The following CFAP52 variants were observed in gnomAD, a reference collection of about 807,000 sequenced individuals.
The protein encoded by CFAP52 is cilia and flagella associated protein 52.
CFAP52 carries 57 observed loss-of-function variants against 70.5 expected under a neutral mutation model. The observed-to-expected ratio is 0.81, with a 90% CI of 0.65 to 1.01. The LOEUF is 1.01. Among genes scored for constraint, CFAP52 ranks in the 50% least tolerant of loss-of-function variants. The pLI is 0.00. For synonymous variants in CFAP52, 267 were observed against 292.5 expected (o/e 0.91, Z 0.89); for missense variants, 785 against 788.5 (o/e 1.00, Z 0.05).
chr17:9,605,925 A>T (rs908320469), intron 6 of CFAP52, among the ~76,000 whole-genome samples: 3 of 152,152 alleles, frequency 2.0e-5, no homozygotes, highest in Admixed American at 6.6e-5. Context: ...ATGTGTCCAC[A>T]TAGGTTTATT....
At chr17:9,627,266 T>C (rs1449776181) in intron 8 of CFAP52, among the ~76,000 whole-genome samples, 7 of 152,160 alleles carry the variant, frequency 4.6e-5, no homozygotes, top group Non-Finnish European at 7.4e-5. Flanking sequence ...TCCCAGCACT[T>C]TGGGAGGCCG....
intron 5 of CFAP52, 82 bp from the exon 6 acceptor site, chr17:9,599,985 C>A: frequency 8.7e-7 from 1 of 1,145,114 alleles, no homozygotes; most frequent in African/African-American, 1.5e-5. Flanking sequence ...AGGTGATCCA[C>A]CCGCCTCGGC....
chr17:9,611,990 A>G (rs1411433787), intron 7 of CFAP52, among the ~76,000 whole-genome samples: 2 of 152,202 alleles, frequency 1.3e-5, no homozygotes, highest in African/African-American at 4.8e-5. Context: ...TAAAGGGGTT[A>G]GTTGCTGTGG....
intron 5 of CFAP52, among the ~76,000 whole-genome samples, chr17:9,599,290 A>T (rs749691517): frequency 1.3e-5 from 2 of 152,192 alleles, no homozygotes; most frequent in African/African-American, 2.4e-5. Context: ...TTAGATTTTT[A>T]GATTTTTGGA....
Position 9,641,988 on chromosome 17 carries a change from G to T in CFAP52, c.1687+153G>T, listed in dbSNP as rs370941616. On this transcript the variant is annotated intron_variant, in intron 13 of 13. Coordinates refer to ENST00000352665, the MANE Select transcript of CFAP52 (RefSeq NM_145054.5). ...TCCAACCAATACTGCAGCCAATGTG[G>T]CTGAGAAAGAAAAATCCAGAAGTCA... 8.5e-5 allele frequency among the ~76,000 whole-genome samples: 13 copies of T among 152,290 alleles called. 1 individual carries two copies. Among genetic ancestry groups the T allele is most frequent in the African/African-American group, 3.1e-4 (13 of 41,554 alleles).
chr17:9,579,717 A>C (rs1210622722), intron 1 of CFAP52, among the ~76,000 whole-genome samples: 1 of 152,022 alleles, frequency 6.6e-6, no homozygotes, highest in Non-Finnish European at 1.5e-5. Context: ...ACAGGTATCC[A>C]CCACCACGCC....
intron 1 of CFAP52, among the ~76,000 whole-genome samples, chr17:9,585,401 G>T (rs1159086167): frequency 6.6e-6 from 1 of 152,130 alleles, no homozygotes; most frequent in African/African-American, 2.4e-5. Flanking sequence ...GGGCGCGGTG[G>T]CTCACACCTG....
intron 12 of CFAP52, chr17:9,639,091 A>G (rs955560923): frequency 9.8e-6 from 2 of 204,756 alleles, no homozygotes; most frequent in Non-Finnish European, 2.0e-5. Flanking sequence ...GAAAGGCAAT[A>G]GAGCTCCTCA....
At chr17:9,595,340 T>A (rs1178633763) in intron 4 of CFAP52, among the ~76,000 whole-genome samples, 1 of 152,154 alleles carries the variant, frequency 6.6e-6, no homozygotes, top group Non-Finnish European at 1.5e-5. Flanking sequence ...ACATCTATAT[T>A]GTTTCCTGTC....
At chr17:9,594,068 T>C (rs1340367348) in intron 3 of CFAP52, 125 bp from the exon 4 acceptor site, 5 of 1,370,950 alleles carry the variant, frequency 3.6e-6, no homozygotes, top group Admixed American at 5.5e-5. Context: ...GGGGTAATTT[T>C]GTTGTTCGTT....
chr17:9,597,717 G>C, intron 4 of CFAP52: 1 of 152,874 alleles, frequency 6.5e-6, no homozygotes, highest in South Asian at 2.1e-4. Context: ...GCAGGAGAAT[G>C]GCTTGAACCT....
At position 9,584,632 on chromosome 17, in the gene CFAP52, A is replaced by AT. The variant is rs562217995; in HGVS notation, c.71-1135dup. Among the ~76,000 whole-genome samples the AT allele has an allele frequency of 1.4e-3, 212 of 151,116 alleles. 2 individuals are homozygous for AT. In the South Asian group the frequency reaches 0.019, roughly 14 times the overall value. On this transcript the variant is annotated intron_variant, in intron 1 of 13. Coordinates refer to ENST00000352665, the MANE Select transcript of CFAP52 (RefSeq NM_145054.5). ...TATTTTTTTTTTAATTTATTTGTTC[A>AT]TTTTTTGAGATGGAATTTTGCTCTT...
downstream of CFAP52, chr17:9,645,364 G>A (rs1310029717): frequency 8.1e-6 from 2 of 248,282 alleles, no homozygotes; most frequent in Admixed American, 5.5e-5. This position sits in a 1 kb window ranked among gnomAD's most constrained non-coding sequence, Gnocchi z 6.8. Flanking sequence ...TGGGGAATCC[G>A]ACCACGAAGA....
chr17:9,576,749 C>T lies in CFAP52; in HGVS notation c.54C>T (p.Ala18=), dbSNP rs779586425. 2 of 1,612,294 alleles carry T rather than the reference C, an allele frequency of 1.2e-6. No individual in the cohort carries two copies. Among genetic ancestry groups the T allele is most frequent in the Non-Finnish European group, 8.5e-7 (1 of 1,179,148 alleles). The change falls in exon 1 of 14, where the codon GCC becomes GCT. Residue 18 remains alanine, a synonymous_variant. Coordinates refer to ENST00000352665, the MANE Select transcript of CFAP52 (RefSeq NM_145054.5). ...AAGTGGCGGAGCTGGAACTTGACGCCGTGATCGGCTTCAATGGTGAGGCCT... is the reference window on the plus strand; with the variant it reads ...AAGTGGCGGAGCTGGAACTTGACGCTGTGATCGGCTTCAATGGTGAGGCCT... The part of the protein sequence containing the change: ...EAQVAELELD[A]VIGFNGHVPT...
At chr17:9,586,986 C>T (rs1908523540) in intron 3 of CFAP52, 152 bp downstream of exon 3, 2 of 941,590 alleles carry the variant, frequency 2.1e-6, no homozygotes, top group Admixed American at 7.3e-5. Flanking sequence ...CAGCCTAGTA[C>T]CCAGTAGTTA....
At chr17:9,584,433 T>C in intron 1 of CFAP52, 1 of 1,184,394 alleles carries the variant, frequency 8.4e-7, no homozygotes, top group South Asian at 1.4e-5. Flanking sequence ...TATTGAGGCA[T>C]ACTTGACATA....
chr17:9,641,076 A>C (rs1222460759), intron 12 of CFAP52, among the ~76,000 whole-genome samples: 1 of 152,196 alleles, frequency 6.6e-6, no homozygotes, highest in African/African-American at 2.4e-5. Context: ...GTGCATTCAC[A>C]AAGTTTAAGG....
chr17:9,595,439 C>T (rs1373040994), intron 4 of CFAP52, among the ~76,000 whole-genome samples: 2 of 151,208 alleles, frequency 1.3e-5, no homozygotes, highest in Non-Finnish European at 3.0e-5. Context: ...TTGACCGGCA[C>T]GAAAACCAGC....
intron 3 of CFAP52, among the ~76,000 whole-genome samples, chr17:9,590,946 C>T (rs1428948335): frequency 6.6e-6 from 1 of 151,552 alleles, no homozygotes; most frequent in Non-Finnish European, 1.5e-5. Flanking sequence ...TTTATTCTAC[C>T]CAACCCATCT....
Sources: allele counts gnomAD v4.1 joint callset (sites outside exome capture counted in the v4.1 genomes callset), GRCh38; gene constraint gnomAD v4.1.1; non-coding constraint Gnocchi (gnomAD v3.1); transcripts MANE v1.5; gene names NCBI Gene and HGNC (gene_info 2026-07-23, HGNC 2026-07-21).